The following ATP2A2 variants were observed in gnomAD, a reference collection of about 807,000 sequenced individuals.
The protein encoded by ATP2A2 is ATPase sarcoplasmic/endoplasmic reticulum Ca2+ transporting 2, also known as sarcoplasmic/endoplasmic reticulum calcium ATPase 2.
ATP2A2 carries 14 observed loss-of-function variants against 109.3 expected under a neutral mutation model. That is an observed-to-expected ratio of 0.13 (90% CI 0.08 to 0.20). The LOEUF is 0.20. Among genes scored for constraint, ATP2A2 ranks in the 10% least tolerant of loss-of-function variants. ATP2A2 has a pLI of 1.00. For synonymous variants in ATP2A2, 506 were observed against 490.9 expected, an observed-to-expected ratio of 1.03 and a Z score of -0.41; for missense variants, 657 against 1,321.6, an observed-to-expected ratio of 0.50 and a Z score of 7.80.
Position 110,281,759 on chromosome 12 carries a change from G to C in ATP2A2, c.-31G>C, listed in dbSNP as rs1161766077. The C allele has an allele frequency of 1.4e-6, 2 of 1,446,464 alleles. No individual in the cohort carries two copies. Among genetic ancestry groups the C allele is most frequent in the Non-Finnish European group, 1.8e-6 (2 of 1,086,594 alleles). The allele number at this position is 1,446,464 out of a possible 1,614,324, so 89.6% of individuals were successfully genotyped here. A position where few individuals can be genotyped will look rare whatever the true frequency, so the allele number is the denominator to read the frequency against. Reference sequence around the variant, plus strand: ...GCGGAGGCGAGGAGGCCGCGGGGACGGGAGGCGAGGCCGGCCGGGCCCCCG... The same window carrying C: ...GCGGAGGCGAGGAGGCCGCGGGGACCGGAGGCGAGGCCGGCCGGGCCCCCG... On this transcript the variant is annotated 5_prime_UTR_variant, in exon 1 of 20. Transcript: ENST00000539276.
At chr12:110,325,170 A>C (rs1008523751) in intron 6 of ATP2A2, among the ~76,000 whole-genome samples, 2 of 152,160 alleles carry the variant, frequency 1.3e-5, no homozygotes, top group Admixed American at 1.3e-4. Flanking sequence ...AGGTTCTCGA[A>C]TATTATCTTT....
chr12:110,305,208 A>G (rs1040260616), intron 5 of ATP2A2, among the ~76,000 whole-genome samples: 1 of 152,192 alleles, frequency 6.6e-6, no homozygotes, highest in African/African-American at 2.4e-5. Context: ...TGCTGCGATT[A>G]TAGGCAAGAG....
At chr12:110,320,376 T>C (rs1194975788) in intron 5 of ATP2A2, among the ~76,000 whole-genome samples, 2 of 152,224 alleles carry the variant, frequency 1.3e-5, no homozygotes, top group African/African-American at 2.4e-5. Context: ...TTCTACTCCA[T>C]AGGATCATGA....
chr12:110,281,861 G>A lies in ATP2A2; in HGVS notation c.72G>A (p.Leu24=). 1.3e-6 allele frequency: 2 copies of A among 1,576,704 alleles called. No homozygotes were observed. The highest frequency in any genetic ancestry group is 1.4e-5 in the African/African-American group (1 of 72,528). ...GHFGVNESTG[L]SLEQVKKLKE... is the part of the protein sequence containing the mutation. ...TCGGCGTCAACGAGAGTACGGGGCT[G>A]AGCCTGGAACAGGTCAAGAAGCTTA... Residue 24 remains leucine, a synonymous_variant, in exon 1 of 20, where the codon CTG becomes CTA. Transcript: ENST00000539276.
At chr12:110,284,062 G>T (rs1872424511) in intron 3 of ATP2A2, among the ~76,000 whole-genome samples, 1 of 152,136 alleles carries the variant, frequency 6.6e-6, no homozygotes, top group Non-Finnish European at 1.5e-5. Flanking sequence ...CAGTCCCCAA[G>T]AACCTTTTCT....
chr12:110,317,998 T>C (rs1016878796), intron 5 of ATP2A2, among the ~76,000 whole-genome samples: 1 of 152,166 alleles, frequency 6.6e-6, no homozygotes, highest in African/African-American at 2.4e-5. Context: ...GAGAAAAACA[T>C]TTGGAAGAAA....
Position 110,327,463 on chromosome 12 carries a change from G to C in ATP2A2, c.631-90G>C. The stretch of plus-strand genomic sequence containing the variant: ...TGGAAGACCTAGTAGAATGTGTAGA[G>C]AATCTGGGTGCCCTAGTCAAAAACC... On this transcript the variant is annotated intron_variant, in intron 7 of 19. Coordinates refer to ENST00000539276, the MANE Select transcript of ATP2A2 (RefSeq NM_170665.4). The surrounding 1 kb of genome is among the most constrained non-coding windows in gnomAD (Gnocchi z 4.4). 1 of 1,197,964 alleles carries C rather than the reference G, an allele frequency of 8.3e-7. No individual in the cohort carries two copies. Among genetic ancestry groups the C allele is most frequent in the Non-Finnish European group, 1.2e-6 (1 of 801,724 alleles). The allele number at this position is 1,197,964 out of a possible 1,614,324, so 74.2% of individuals were successfully genotyped here. A position where few individuals can be genotyped will look rare whatever the true frequency, so the allele number is the denominator to read the frequency against.
rs769615982 is a variant in ATP2A2 at position 110,322,986 on chromosome 12, A to G, written c.464-6A>G. On this transcript the variant is annotated splice_region_variant and splice_polypyrimidine_tract_variant and intron_variant, in intron 5 of 19. Transcript: ENST00000539276. ...ATTTCAGCCGCCTTTTTTTTCTCCT[A>G]ATTAGTTGGTGACAAAGTTCCTGCT... The G allele has an allele frequency of 3.1e-6, 5 of 1,607,964 alleles. No individual in the cohort carries two copies. Among genetic ancestry groups the G allele is most frequent in the East Asian group, 4.5e-5 (2 of 44,850 alleles).
chr12:110,302,844 A>C (rs1440133937), intron 5 of ATP2A2, among the ~76,000 whole-genome samples: 1 of 151,974 alleles, frequency 6.6e-6, no homozygotes, highest in Non-Finnish European at 1.5e-5. Flanking sequence ...TGACCCACTC[A>C]CCTCGGCCTC....
chr12:110,336,177 G>T (rs955453292), intron 11 of ATP2A2, among the ~76,000 whole-genome samples: 2 of 152,204 alleles, frequency 1.3e-5, no homozygotes, highest in Admixed American at 1.3e-4. Context: ...CTGCCAGTCA[G>T]TACTTTTGCA....
chr12:110,311,273 C>T (rs2137766994), intron 5 of ATP2A2, among the ~76,000 whole-genome samples: 1 of 152,298 alleles, frequency 6.6e-6, no homozygotes, highest in South Asian at 2.1e-4. Flanking sequence ...TGAGGTCTCA[C>T]TGTGTCACTC....
chr12:110,282,917 T>C lies in ATP2A2; in HGVS notation c.219+122T>C, dbSNP rs575781125. On this transcript the variant is annotated intron_variant, in intron 3 of 19. Transcript: ENST00000539276. ...TTTGGAGTTGCAAGCTGTGTCTCTA[T>C]GTTTAAAAACAATCTGGGCATTTTA... The C allele has an allele frequency of 1.0e-5, 9 of 884,836 alleles. No homozygotes were observed. In the African/African-American group the frequency reaches 1.3e-4, roughly 13 times the overall value. The allele number at this position is 884,836 out of a possible 1,614,324, so 54.8% of individuals were successfully genotyped here. A position where few individuals can be genotyped will look rare whatever the true frequency, so the allele number is the denominator to read the frequency against.
chr12:110,339,261 C>T lies in ATP2A2; in HGVS notation c.1420-20C>T, dbSNP rs1879131224. 6.2e-7 allele frequency: 1 copy of T among 1,613,490 alleles called. No homozygotes were observed. Among genetic ancestry groups the T allele is most frequent in the Admixed American group, 1.7e-5 (1 of 59,992 alleles). On this transcript the variant is annotated intron_variant, in intron 11 of 19. Coordinates refer to ENST00000539276, the MANE Select transcript of ATP2A2 (RefSeq NM_170665.4). The surrounding 1 kb of genome is among the most constrained non-coding windows in gnomAD (Gnocchi z 4.4). ...TCAGAAATTGCCACCCAGTAGTATC[C>T]ATATTTGTTCCCTTTGTAGGTCATT...
In ATP2A2 at chr12:110,339,197, A is replaced by ATGT; in HGVS notation, c.1420-83_1420-81dup. 6.4e-7 allele frequency: 1 copy of ATGT among 1,556,974 alleles called. No homozygotes were observed. Among genetic ancestry groups the ATGT allele is most frequent in the Non-Finnish European group, 8.8e-7 (1 of 1,132,408 alleles). On this transcript the variant is annotated intron_variant, in intron 11 of 19. Coordinates refer to ENST00000539276, the MANE Select transcript of ATP2A2 (RefSeq NM_170665.4). This position sits in a 1 kb window ranked among gnomAD's most constrained non-coding sequence, Gnocchi z 4.4. ...TATTGCTATATTCCTAGCATCTGTC[A>ATGT]TGTAATAGGTGTGCTTACTGCTTGT...
Position 110,332,692 on chromosome 12 carries a change from A to G in ATP2A2, c.1184+7A>G, listed in dbSNP as rs1878463037. On this transcript the variant is annotated splice_region_variant and intron_variant, in intron 9 of 19. Coordinates refer to ENST00000539276, the MANE Select transcript of ATP2A2 (RefSeq NM_170665.4). ...ATGCACCTATTGGAGAAGTGTGAGT[A>G]ACCCTCCTCCTCATTTAAAGGATCT... is the stretch of plus-strand genomic sequence containing the variant. 1 of 1,593,012 alleles carries G rather than the reference A, an allele frequency of 6.3e-7. No homozygotes were observed. Among genetic ancestry groups the G allele is most frequent in the South Asian group, 1.1e-5 (1 of 90,640 alleles).
In ATP2A2 at chr12:110,346,839, GTTT is replaced by G; in HGVS notation, c.*375_*377del. On this transcript the variant is annotated 3_prime_UTR_variant, in exon 20 of 20. Coordinates refer to ENST00000539276, the MANE Select transcript of ATP2A2 (RefSeq NM_170665.4). ...AGATTTTAGGAAATGAATGTGTGTG[GTTT>G]TTTTTCTAAAACTAAATAGCATGTA... 1 of 1,116,808 alleles carries G rather than the reference GTTT, an allele frequency of 9.0e-7. No homozygotes were observed. Among genetic ancestry groups the G allele is most frequent in the Non-Finnish European group, 1.1e-6 (1 of 909,134 alleles). 69.2% of individuals were successfully genotyped at this position (1,116,808 alleles called of 1,614,324 possible). A position where few individuals can be genotyped will look rare whatever the true frequency, so the allele number is the denominator to read the frequency against.
chr12:110,333,477 T>C (rs1878542812), intron 10 of ATP2A2, among the ~76,000 whole-genome samples, 194 bp downstream of exon 10: 1 of 152,202 alleles, frequency 6.6e-6, no homozygotes, highest in Non-Finnish European at 1.5e-5. Flanking sequence ...TCACATATCC[T>C]CTGTGACTGA....
chr12:110,336,381 T>G (rs1878846978), intron 11 of ATP2A2, among the ~76,000 whole-genome samples: 1 of 152,214 alleles, frequency 6.6e-6, no homozygotes, highest in Admixed American at 6.5e-5. Context: ...GTCACCACGT[T>G]TAATGCTTTT....
chr12:110,288,603 C>T (rs1490976521), intron 3 of ATP2A2, among the ~76,000 whole-genome samples: 4 of 152,060 alleles, frequency 2.6e-5, no homozygotes, highest in Non-Finnish European at 4.4e-5. Flanking sequence ...TGGGTTTTCG[C>T]CATGTTGGTC....
Sources: gnomAD v4.1 joint callset for allele counts (sites outside exome capture counted in the v4.1 genomes callset) on GRCh38, gnomAD v4.1.1 for gene constraint, Gnocchi (gnomAD v3.1) non-coding constraint, MANE v1.5 for transcripts, NCBI Gene and HGNC (gene_info 2026-07-23, HGNC 2026-07-21) for gene names.